Variants in ARFGEF3 observed in about 807,000 individuals in gnomAD.
ARFGEF3 encodes brefeldin A-inhibited guanine nucleotide-exchange protein 3.
ARFGEF3 carries 96 observed loss-of-function variants against 221.7 expected under a neutral mutation model. That is an observed-to-expected ratio of 0.43 (90% confidence interval 0.37 to 0.51). The LOEUF (loss-of-function observed/expected upper bound fraction) is 0.51, where lower values mean the gene tolerates loss of function less well. ARFGEF3 is among the 20% of genes least tolerant of loss of function. The probability of loss-of-function intolerance (pLI) is 0.00; values close to 1 mark genes in which losing one functional copy is unlikely to be tolerated. For synonymous variants in ARFGEF3, 1,145 were observed against 1,126.8 expected, an observed-to-expected ratio of 1.02 and a Z score of -0.32; for missense variants, 2,410 against 2,789.9, an observed-to-expected ratio of 0.86 and a Z score of 3.07.
chr6:138,227,447 G>A lies in ARFGEF3; in HGVS notation c.352-2337G>A, dbSNP rs539998931. ...ACCTTATATGAACTCACAGAGCCACGGAAGGCAGAAAGTTGATCGTCAGTC... is the reference window on the plus strand; with the variant it reads ...ACCTTATATGAACTCACAGAGCCACAGAAGGCAGAAAGTTGATCGTCAGTC... On this transcript the variant is annotated intron_variant, in intron 4 of 33. Coordinates refer to ENST00000251691, the MANE Select transcript of ARFGEF3 (RefSeq NM_020340.5). 3.3e-5 allele frequency among the ~76,000 whole-genome samples: 5 copies of A among 152,250 alleles called. No individual in the cohort carries two copies. The East Asian group carries it at 5.8e-4, about 18-fold the overall frequency.
At chr6:138,280,679 C>T (rs765622605) in intron 14 of ARFGEF3, among the ~76,000 whole-genome samples, 1 of 152,148 alleles carries the variant, frequency 6.6e-6, no homozygotes, top group Admixed American at 6.5e-5. Context: ...GGCAAAACTC[C>T]GTCTCTACTA....
intron 28 of ARFGEF3, among the ~76,000 whole-genome samples, 169 bp from the exon 29 acceptor site, chr6:138,320,942 T>C (rs1780012392): frequency 2.8e-5 from 1 of 35,750 alleles, no homozygotes; most frequent in Non-Finnish European, 6.1e-5. Context: ...TACTGGGTTT[T>C]GGCGGGGGGG....
In ARFGEF3 at chr6:138,335,051, C is replaced by T. The variant is rs1202336718; in HGVS notation, c.6205C>T (p.His2069Tyr). ...QDSPLLQRPQ[H>Y]LMDQGQMRHS... ...CTCCCCGCTGCTTCAGCGTCCCCAGCACTTGATGGACCAAGGGCAAATGCG... is the reference window on the plus strand; with the variant it reads ...CTCCCCGCTGCTTCAGCGTCCCCAGTACTTGATGGACCAAGGGCAAATGCG... Residue 2069 changes from histidine to tyrosine, a missense_variant, in exon 33 of 34, where the codon CAC (histidine) becomes TAC (tyrosine). Physicochemically the swap from His to Tyr is moderately conservative, Grantham distance 83. Transcript: ENST00000251691. 1 of 1,598,078 alleles carries T rather than the reference C, an allele frequency of 6.3e-7. No homozygotes were observed. The highest frequency in any genetic ancestry group is 8.5e-7 in the Non-Finnish European group (1 of 1,173,028).
chr6:138,280,675 A>G (rs575832653), intron 14 of ARFGEF3, among the ~76,000 whole-genome samples: 1 of 152,098 alleles, frequency 6.6e-6, no homozygotes, highest in South Asian at 2.1e-4. Context: ...ACATGGCAAA[A>G]CTCCGTCTCT....
chr6:138,290,066 C>T, intron 18 of ARFGEF3, 98 bp downstream of exon 18: 1 of 1,149,112 alleles, frequency 8.7e-7, no homozygotes, highest in Non-Finnish European at 1.2e-6. Context: ...TAAGAGCCTG[C>T]CAGCATGTAA....
chr6:138,293,223 TGACCCAA>T (rs1779446289), intron 19 of ARFGEF3, among the ~76,000 whole-genome samples: 1 of 152,174 alleles, frequency 6.6e-6, no homozygotes, highest in South Asian at 2.1e-4. Flanking sequence ...GATAGCAGGG[TGACCCAA>T]GAGCCATGGA....
chr6:138,251,090 C>T (rs185595133), intron 8 of ARFGEF3, among the ~76,000 whole-genome samples: 78 of 152,302 alleles, frequency 5.1e-4, no homozygotes, highest in African/African-American at 1.8e-3. Context: ...AAAGCTGCTG[C>T]GTTCAGTCTC....
chr6:138,238,184 T>C (rs1778329791), intron 5 of ARFGEF3, among the ~76,000 whole-genome samples: 1 of 152,200 alleles, frequency 6.6e-6, no homozygotes. Context: ...GGGAGCTTTT[T>C]CTGATTAATT....
intron 4 of ARFGEF3, among the ~76,000 whole-genome samples, chr6:138,223,440 A>G (rs1355045286): frequency 3.3e-5 from 5 of 152,196 alleles, no homozygotes; most frequent in African/African-American, 4.8e-5. Flanking sequence ...ACCAAGAGAG[A>G]AAAATGCAAG....
At chr6:138,307,824 G>T (rs34094815) in intron 23 of ARFGEF3, among the ~76,000 whole-genome samples, 20,360 of 152,078 alleles carry the variant, frequency 0.13, 1,850 homozygotes, top group East Asian at 0.45. Flanking sequence ...TGTCTCAGAG[G>T]TTCCCAAGAC....
intron 20 of ARFGEF3, among the ~76,000 whole-genome samples, chr6:138,296,522 C>T (rs978029794): frequency 4.6e-5 from 7 of 152,090 alleles, no homozygotes; most frequent in African/African-American, 1.2e-4. Context: ...TCGGACTTCT[C>T]GGCCCTCCTA....
chr6:138,271,077 T>C (rs1283999177), intron 12 of ARFGEF3, among the ~76,000 whole-genome samples: 5 of 151,964 alleles, frequency 3.3e-5, no homozygotes, highest in Admixed American at 1.3e-4. Flanking sequence ...AGGCTGAGAG[T>C]TTGCTTGCTT....
At chr6:138,265,349 A>T (rs1297158518) in intron 12 of ARFGEF3, among the ~76,000 whole-genome samples, 2 of 152,180 alleles carry the variant, frequency 1.3e-5, no homozygotes, top group Non-Finnish European at 2.9e-5. Flanking sequence ...ATTTCCTAAG[A>T]ATTTCATACC....
Position 138,194,989 on chromosome 6 carries a change from A to ATTTTTTTTTTTTTTTT in ARFGEF3, c.138-12037_138-12022dup, listed in dbSNP as rs747099029. Among the ~76,000 whole-genome samples, 55 of 84,116 alleles carry ATTTTTTTTTTTTTTTT rather than the reference A, an allele frequency of 6.5e-4. 1 individual carries two copies. Among genetic ancestry groups the ATTTTTTTTTTTTTTTT allele is most frequent in the Non-Finnish European group, 9.5e-4 (44 of 46,514 alleles). 55.2% of individuals were successfully genotyped at this position (84,116 alleles called of 152,430 possible). A position where few individuals can be genotyped will look rare whatever the true frequency, so the allele number is the denominator to read the frequency against. On this transcript the variant is annotated intron_variant, in intron 2 of 33. Coordinates refer to ENST00000251691, the MANE Select transcript of ARFGEF3 (RefSeq NM_020340.5). ...TCAAACTAACTTCACCTTTTCCCTA[A>ATTTTTTTTTTTTTTTT]TTTTTTTTTTTTTTTTTTTTTTTTT...
chr6:138,295,385 C>T (rs1189462356), intron 20 of ARFGEF3, among the ~76,000 whole-genome samples: 1 of 151,482 alleles, frequency 6.6e-6, no homozygotes, highest in East Asian at 1.9e-4. Context: ...TTTAGGAGGC[C>T]GAGGCGGGCA....
chr6:138,303,695 G>A (rs538741146), intron 22 of ARFGEF3, among the ~76,000 whole-genome samples: 1 of 151,502 alleles, frequency 6.6e-6, no homozygotes, highest in Non-Finnish European at 1.5e-5. Context: ...CCAGCTACTC[G>A]GGAAGCTGAG....
chr6:138,283,557 C>A (rs1779234609), intron 14 of ARFGEF3, among the ~76,000 whole-genome samples: 1 of 152,184 alleles, frequency 6.6e-6, no homozygotes, highest in African/African-American at 2.4e-5. Flanking sequence ...CAGCAGTTAA[C>A]CTAGAGTTTG....
At chr6:138,281,504 C>A (rs1669781290) in intron 14 of ARFGEF3, among the ~76,000 whole-genome samples, 2 of 152,180 alleles carry the variant, frequency 1.3e-5, no homozygotes, top group South Asian at 4.1e-4. Context: ...TCTGTTGTTA[C>A]CGTCTGGACG....
intron 2 of ARFGEF3, among the ~76,000 whole-genome samples, chr6:138,180,933 CT>C (rs1554247512): frequency 6.6e-6 from 1 of 152,192 alleles, no homozygotes; most frequent in Non-Finnish European, 1.5e-5. Flanking sequence ...TCTAGTTTCT[CT>C]TTTTCCTTTC....
Sources: allele counts gnomAD v4.1 joint callset (sites outside exome capture counted in the v4.1 genomes callset), GRCh38; gene constraint gnomAD v4.1.1; transcripts MANE v1.5; gene names NCBI Gene and HGNC (gene_info 2026-07-23, HGNC 2026-07-21).